Variants in THSD7B observed in about 807,000 individuals in gnomAD.
THSD7B encodes thrombospondin type 1 domain containing 7B.
THSD7B carries 138 observed loss-of-function variants against 213.6 expected under a neutral mutation model. That is an observed-to-expected ratio of 0.65 (90% CI 0.56 to 0.74). The LOEUF is 0.74. Among genes scored for constraint, THSD7B ranks in the 30% least tolerant of loss-of-function variants. The pLI is 0.00. For missense variants in THSD7B, 1,931 were observed against 1,991.5 expected, an observed-to-expected ratio of 0.97 and a Z score of 0.58; for synonymous variants, 742 against 687.0, an observed-to-expected ratio of 1.08 and a Z score of -1.25.
At chr2:137,281,948 T>G (rs1416347362) in intron 12 of THSD7B, among the ~76,000 whole-genome samples, 2 of 152,204 alleles carry the variant, frequency 1.3e-5, no homozygotes, top group African/African-American at 4.8e-5. Flanking sequence ...CAAATGGTAT[T>G]TCTAGTTCTA....
At chr2:137,415,610 A>G (rs1686776978) in intron 14 of THSD7B, among the ~76,000 whole-genome samples, 1 of 150,398 alleles carries the variant, frequency 6.6e-6, no homozygotes, top group Non-Finnish European at 1.5e-5. Flanking sequence ...ATATCCCGTG[A>G]CAAAATTCAG....
intron 4 of THSD7B, among the ~76,000 whole-genome samples, chr2:137,096,923 C>T (rs1239801495): frequency 6.6e-6 from 1 of 152,186 alleles, no homozygotes; most frequent in African/African-American, 2.4e-5. Flanking sequence ...AGAAGGATGA[C>T]CACTATTGTT....
chr2:136,979,381 T>C (rs1256099251), intron 2 of THSD7B, among the ~76,000 whole-genome samples: 1 of 152,176 alleles, frequency 6.6e-6, no homozygotes, highest in Non-Finnish European at 1.5e-5. Context: ...TATCCTGAAG[T>C]ATATTTTTCA....
chr2:137,231,139 T>C lies in THSD7B; in HGVS notation c.1819T>C (p.Trp607Arg). The change falls in exon 8 of 28, where the codon TGG becomes CGG. Residue 607 changes from tryptophan (W) to arginine (R), a missense_variant. Physicochemically the swap from Trp to Arg is moderately radical, Grantham distance 101. Transcript: ENST00000409968. Reference protein sequence around the residue: ...PCRMDCVLSEWTEWSSCSQSC... With the variant: ...PCRMDCVLSERTEWSSCSQSC... ...CCGAATGGACTGTGTGCTGAGCGAG[T>C]GGACGGAGTGGTCATCCTGTTCCCA... The C allele has an allele frequency of 6.2e-7, 1 of 1,613,638 alleles. No homozygotes were observed. Among genetic ancestry groups the C allele is most frequent in the Non-Finnish European group, 8.5e-7 (1 of 1,179,770 alleles).
intron 15 of THSD7B, among the ~76,000 whole-genome samples, chr2:137,510,189 T>G (rs975553367): frequency 9.9e-5 from 15 of 152,174 alleles, no homozygotes; most frequent in Non-Finnish European, 4.4e-5. Context: ...CATTTATTTT[T>G]TATTCCTCTA....
chr2:137,331,890 C>A (rs573921751), intron 12 of THSD7B, among the ~76,000 whole-genome samples: 1 of 152,218 alleles, frequency 6.6e-6, no homozygotes, highest in South Asian at 2.1e-4. Context: ...CGGGGCCGGC[C>A]GGCTGCTCCA....
intron 2 of THSD7B, among the ~76,000 whole-genome samples, chr2:137,018,782 G>A (rs770498387): frequency 7.9e-5 from 12 of 152,118 alleles, no homozygotes; most frequent in East Asian, 3.8e-4. Context: ...AAAGTATGAT[G>A]TTATTGTTGT....
intron 15 of THSD7B, among the ~76,000 whole-genome samples, chr2:137,514,100 C>G (rs1243639904): frequency 6.6e-6 from 1 of 151,990 alleles, no homozygotes; most frequent in Non-Finnish European, 1.5e-5. Flanking sequence ...ACCTTGCATC[C>G]TCTCTTACTG....
At chr2:137,356,947 TACACACACACACACACACAGACACACAC>T (rs1685144335) in intron 12 of THSD7B, among the ~76,000 whole-genome samples, 1 of 113,738 alleles carries the variant, frequency 8.8e-6, no homozygotes, top group Non-Finnish European at 1.9e-5. Flanking sequence ...CACACACACA[TACACACACACACACACACAGACACACAC>T]ACACACACAC....
intron 12 of THSD7B, among the ~76,000 whole-genome samples, chr2:137,386,021 G>A (rs1180540344): frequency 6.6e-6 from 1 of 152,170 alleles, no homozygotes; most frequent in Admixed American, 6.5e-5. Context: ...TTATACATAT[G>A]AGAAGTCTTA....
intron 15 of THSD7B, among the ~76,000 whole-genome samples, chr2:137,555,312 C>T (rs1025901945): frequency 6.6e-6 from 1 of 152,176 alleles, no homozygotes; most frequent in African/African-American, 2.4e-5. Context: ...CAGACTGACA[C>T]CTCATACGGC....
intron 2 of THSD7B, among the ~76,000 whole-genome samples, chr2:137,005,495 T>C (rs541086973): frequency 3.2e-4 from 48 of 152,336 alleles, no homozygotes; most frequent in African/African-American, 1.1e-3. Flanking sequence ...TTAATGTGCA[T>C]AGCTCAGACT....
chr2:137,223,947 C>T (rs576049226), intron 7 of THSD7B, among the ~76,000 whole-genome samples: 1 of 152,154 alleles, frequency 6.6e-6, no homozygotes, highest in Non-Finnish European at 1.5e-5. Flanking sequence ...GACTGCTCCC[C>T]CTTCTGCCAA....
intron 20 of THSD7B, among the ~76,000 whole-genome samples, chr2:137,626,752 C>T (rs1327431162): frequency 6.6e-6 from 1 of 152,140 alleles, no homozygotes; most frequent in Non-Finnish European, 1.5e-5. Flanking sequence ...AAATTTTGTC[C>T]ACCAGGTATG....
At chr2:137,167,273 G>A (rs1368494001) in intron 6 of THSD7B, among the ~76,000 whole-genome samples, 2 of 151,754 alleles carry the variant, frequency 1.3e-5, no homozygotes, top group Non-Finnish European at 2.9e-5. Context: ...GCGTGATCTC[G>A]TCTCACGGCA....
intron 15 of THSD7B, among the ~76,000 whole-genome samples, chr2:137,497,979 T>C (rs1679611093): frequency 6.6e-6 from 1 of 152,192 alleles, no homozygotes; most frequent in African/African-American, 2.4e-5. Flanking sequence ...GATCATTTAC[T>C]TTCCTCACAA....
intron 7 of THSD7B, among the ~76,000 whole-genome samples, chr2:137,211,861 A>C (rs1445858307): frequency 6.6e-6 from 1 of 152,134 alleles, no homozygotes; most frequent in Non-Finnish European, 1.5e-5. Context: ...GTAAGAATGC[A>C]AATTAGCCTT....
intron 1 of THSD7B, among the ~76,000 whole-genome samples, chr2:136,823,111 G>A (rs913217376): frequency 5.9e-5 from 9 of 152,202 alleles, no homozygotes; most frequent in African/African-American, 1.4e-4. Context: ...GTTATTTAAC[G>A]TGAAAGAGAT....
At chr2:136,879,947 A>C (rs1683592008) in intron 1 of THSD7B, among the ~76,000 whole-genome samples, 1 of 152,214 alleles carries the variant, frequency 6.6e-6, no homozygotes, top group African/African-American at 2.4e-5. Flanking sequence ...CCAATATAGG[A>C]GCACCCAGAT....
Sources: gnomAD v4.1 joint callset for allele counts (sites outside exome capture counted in the v4.1 genomes callset) on GRCh38, gnomAD v4.1.1 for gene constraint, MANE v1.5 for transcripts, NCBI Gene and HGNC (gene_info 2026-07-23, HGNC 2026-07-21) for gene names.